Variants in SLC9C1 observed in about 807,000 individuals in gnomAD.
SLC9C1 encodes the protein solute carrier family 9 member C1.
In SLC9C1, 97 loss-of-function variants were observed where a neutral mutation model predicts 140.9. The observed-to-expected ratio is 0.69, with a 90% CI of 0.58 to 0.82. The LOEUF is 0.82. Ranked by LOEUF, SLC9C1 falls within the 40% of genes least tolerant of loss-of-function variation. The pLI, the probability that SLC9C1 is intolerant of heterozygous loss-of-function variation, is 0.00. For synonymous variants in SLC9C1, 440 were observed against 442.6 expected, an observed-to-expected ratio of 0.99 and a Z score of 0.07; for missense variants, 1,340 against 1,389.3, an observed-to-expected ratio of 0.96 and a Z score of 0.56.
At chr3:112,154,435 C>A (rs1234245827) in intron 27 of SLC9C1, among the ~76,000 whole-genome samples, 1 of 152,154 alleles carries the variant, frequency 6.6e-6, no homozygotes, top group Non-Finnish European at 1.5e-5. Flanking sequence ...GTGAAGTTGG[C>A]TCAAGATTTT....
chr3:112,223,575 A>G (rs889371527), intron 13 of SLC9C1, among the ~76,000 whole-genome samples: 6 of 152,052 alleles, frequency 3.9e-5, no homozygotes, highest in Admixed American at 3.9e-4. Flanking sequence ...AAACAAATAA[A>G]CAAAGAATGA....
chr3:112,182,714 C>T (rs1307879357), intron 20 of SLC9C1, among the ~76,000 whole-genome samples: 4 of 152,106 alleles, frequency 2.6e-5, no homozygotes, highest in Admixed American at 6.5e-5. Flanking sequence ...TGTGTAACAA[C>T]ACCTAGATTA....
intron 20 of SLC9C1, chr3:112,185,655 A>C (rs1391779197): frequency 2.0e-5 from 31 of 1,560,754 alleles, no homozygotes; most frequent in Admixed American, 1.9e-5. Flanking sequence ...TTGGCGGTCC[A>C]GTGAGTGGGG....
intron 11 of SLC9C1, among the ~76,000 whole-genome samples, chr3:112,243,460 G>C (rs1408410570): frequency 6.6e-6 from 1 of 152,142 alleles, no homozygotes; most frequent in African/African-American, 2.4e-5. Flanking sequence ...GAGTACACAT[G>C]AACATAGAGA....
rs770007737 is a variant in SLC9C1 at position 112,179,717 on chromosome 3, GA to G, written c.2749-17del. The G allele has an allele frequency of 1.4e-5, 22 of 1,563,218 alleles. No individual in the cohort carries two copies. Among genetic ancestry groups the G allele is most frequent in the Admixed American group, 2.1e-5 (1 of 48,440 alleles). On this transcript the variant is annotated splice_polypyrimidine_tract_variant and intron_variant, in intron 22 of 28. Transcript: ENST00000305815. ...ATTTTTCAAGCTGTTCAGGAACAAA[GA>G]AAGAGAAAAATACATATGCCAGTTA... is the stretch of plus-strand genomic sequence containing the variant.
chr3:112,164,970 T>A (rs2077090499), intron 26 of SLC9C1, among the ~76,000 whole-genome samples: 1 of 152,186 alleles, frequency 6.6e-6, no homozygotes, highest in African/African-American at 2.4e-5. Context: ...TTTATTCATT[T>A]CTTTTTATTC....
intron 15 of SLC9C1, among the ~76,000 whole-genome samples, chr3:112,209,307 G>A (rs974173356): frequency 6.6e-6 from 1 of 152,164 alleles, no homozygotes; most frequent in African/African-American, 2.4e-5. Context: ...ACTCTGTGAT[G>A]GGAGCTGCAG....
intron 28 of SLC9C1, among the ~76,000 whole-genome samples, chr3:112,144,393 G>A (rs2107834890): frequency 6.6e-6 from 1 of 151,914 alleles, no homozygotes; most frequent in Middle Eastern, 3.4e-3. Flanking sequence ...TGGCCAGGCT[G>A]GTCCCAAACT....
At chr3:112,178,071 G>C (rs1248007301) in intron 23 of SLC9C1, among the ~76,000 whole-genome samples, 2 of 151,340 alleles carry the variant, frequency 1.3e-5, no homozygotes, top group African/African-American at 2.4e-5. Context: ...TATTTATTTG[G>C]TTATTATATC....
At chr3:112,216,013 G>C (rs959692758) in intron 15 of SLC9C1, among the ~76,000 whole-genome samples, 1 of 152,142 alleles carries the variant, frequency 6.6e-6, no homozygotes, top group African/African-American at 2.4e-5. Context: ...CAGAGATATA[G>C]ACGAATGGAA....
chr3:112,220,994 C>T, intron 14 of SLC9C1, 134 bp downstream of exon 14: 1 of 617,420 alleles, frequency 1.6e-6, no homozygotes, highest in Non-Finnish European at 2.7e-6. Flanking sequence ...GCAGACAGCT[C>T]TGCTGTAATA....
intron 26 of SLC9C1, among the ~76,000 whole-genome samples, chr3:112,161,998 T>C (rs7609769): frequency 0.4 from 60,901 of 151,850 alleles, 12,723 homozygotes; most frequent in East Asian, 0.62. Context: ...CCCTTGTAAG[T>C]TGGATTCCTA....
intron 20 of SLC9C1, among the ~76,000 whole-genome samples, chr3:112,182,488 G>A (rs995430796): frequency 1.3e-5 from 2 of 151,978 alleles, no homozygotes; most frequent in African/African-American, 4.8e-5. Flanking sequence ...TTTGTTACAT[G>A]GGTAAGTTGC....
intron 3 of SLC9C1, among the ~76,000 whole-genome samples, chr3:112,280,210 C>T (rs1488206932): frequency 2.0e-5 from 3 of 152,136 alleles, no homozygotes; most frequent in Non-Finnish European, 2.9e-5. Flanking sequence ...AAATTATGGC[C>T]CCTTGGCCAA....
In SLC9C1 at chr3:112,221,202, C is replaced by G; in HGVS notation, c.1596G>C (p.Arg532Ser). The G allele has an allele frequency of 1.2e-6, 2 of 1,613,520 alleles. No homozygotes were observed. The highest frequency in any genetic ancestry group is 1.6e-4 in the Middle Eastern group (1 of 6,062). ...CAGCACTCTGGGACAGAATCTCATT[C>G]CTGTATTGTCTCTGGTAGCTTGCCT... ...AQIASYQRQY[R>S]NEILSQSAVQ... The change falls in exon 14 of 29, where the codon AGG (arginine) becomes AGC (serine). Residue 532 changes from arginine (R) to serine (S), a missense_variant. Transcript: ENST00000305815.
At chr3:112,278,506 T>A (rs2080274969) in intron 4 of SLC9C1, among the ~76,000 whole-genome samples, 2 of 152,182 alleles carry the variant, frequency 1.3e-5, no homozygotes, top group Non-Finnish European at 2.9e-5. Flanking sequence ...CAAGTCAGAT[T>A]TTCAGAATTA....
intron 3 of SLC9C1, among the ~76,000 whole-genome samples, chr3:112,279,784 G>A (rs906750045): frequency 3.9e-5 from 6 of 152,186 alleles, no homozygotes; most frequent in Non-Finnish European, 8.8e-5. Flanking sequence ...CAGGAAACAG[G>A]CACAAGAAAA....
chr3:112,264,425 T>G (rs2079863086), intron 8 of SLC9C1, 82 bp from the exon 9 acceptor site: 1 of 836,506 alleles, frequency 1.2e-6, no homozygotes, highest in African/African-American at 1.8e-5. Context: ...ATGTGAATCA[T>G]TGTGCTAATG....
chr3:112,287,627 G>A (rs535504100), intron 1 of SLC9C1, among the ~76,000 whole-genome samples: 7 of 152,266 alleles, frequency 4.6e-5, no homozygotes, highest in African/African-American at 1.7e-4. Context: ...GCTTCCCATG[G>A]AAAGGAAAGT....
Sources: allele counts gnomAD v4.1 joint callset (sites outside exome capture counted in the v4.1 genomes callset), GRCh38; gene constraint gnomAD v4.1.1; transcripts MANE v1.5; gene names NCBI Gene and HGNC (gene_info 2026-07-23, HGNC 2026-07-21).